Variants in MINDY4 observed in about 807,000 individuals in gnomAD.
MINDY4 encodes probable ubiquitin carboxyl-terminal hydrolase MINDY-4.
MINDY4 carries 68 observed loss-of-function variants against 87.0 expected under a neutral mutation model. That is an observed-to-expected ratio of 0.78 (90% CI 0.64 to 0.96). MINDY4 has a LOEUF of 0.96. Ranked by LOEUF, MINDY4 falls within the 40% of genes least tolerant of loss-of-function variation. The pLI is 0.00. For synonymous variants in MINDY4, 379 were observed against 363.2 expected (o/e 1.04, Z -0.50); for missense variants, 919 against 928.2 (o/e 0.99, Z 0.13).
At chr7:30,859,207 A>T (rs745812417) in intron 12 of MINDY4, 50 bp from the exon 13 acceptor site, 1 of 1,554,228 alleles carries the variant, frequency 6.4e-7, no homozygotes, top group East Asian at 2.2e-5. Context: ...TGGGGCTGGG[A>T]AGAGGGAGGT....
chr7:30,799,404 A>G (rs371077263), intron 5 of MINDY4, among the ~76,000 whole-genome samples: 2 of 152,102 alleles, frequency 1.3e-5, no homozygotes, highest in Non-Finnish European at 2.9e-5. Flanking sequence ...GGACACAGCA[A>G]CCTGGAATCA....
At chr7:30,866,511 G>C (rs962505521) in intron 13 of MINDY4, among the ~76,000 whole-genome samples, 2 of 152,204 alleles carry the variant, frequency 1.3e-5, no homozygotes, top group African/African-American at 4.8e-5. Flanking sequence ...CTGGAGACCA[G>C]TTCTAGCCCT....
At position 30,791,411 on chromosome 7, in the gene MINDY4, G is replaced by T. The variant is rs1019147693; in HGVS notation, c.910G>T (p.Ala304Ser). The change falls in exon 5 of 18, where the codon GCC becomes TCC. Residue 304 changes from alanine (A) to serine (S), a missense_variant. Physicochemically the swap from Ala to Ser is moderately conservative, Grantham distance 99. Transcript: ENST00000265299. ...PSKRLPPWDR[A>S]RPRDPSEDTP... ...CAAACGGCTGCCCCCATGGGACAGG[G>T]CCAGGCCGAGGGATCCCTCCGAGGA... is the stretch of plus-strand genomic sequence containing the variant. The T allele has an allele frequency of 3.1e-6, 5 of 1,613,998 alleles. No homozygotes were observed. The highest frequency in any genetic ancestry group is 4.2e-6 in the Non-Finnish European group (5 of 1,180,030).
intron 17 of MINDY4, among the ~76,000 whole-genome samples, chr7:30,884,869 T>C (rs968020658): frequency 6.6e-6 from 1 of 152,194 alleles, no homozygotes; most frequent in African/African-American, 2.4e-5. Context: ...AGAGTCTTAG[T>C]GTGTGGACAC....
chr7:30,786,032 C>T (rs754949629), intron 4 of MINDY4, 40 bp downstream of exon 4: 67 of 1,609,050 alleles, frequency 4.2e-5, no homozygotes, highest in Non-Finnish European at 5.3e-5. Flanking sequence ...GGACTGGAGG[C>T]TGAGAACTGG....
intron 5 of MINDY4, among the ~76,000 whole-genome samples, chr7:30,794,789 A>G (rs1471783759): frequency 6.6e-6 from 1 of 151,942 alleles, no homozygotes. Context: ...GGTTCCTCTC[A>G]CCATCACTCA....
Position 30,791,395 on chromosome 7 carries a change from G to T in MINDY4, c.894G>T (p.Leu298=). ...CTCCCCATCTGCCCAGCAAACGGCTGCCCCCATGGGACAGGGCCAGGCCGA... is the reference window on the plus strand; with the variant it reads ...CTCCCCATCTGCCCAGCAAACGGCTTCCCCCATGGGACAGGGCCAGGCCGA... The part of the protein sequence containing the change: ...SSPPHLPSKR[L]PPWDRARPRD... Residue 298 remains leucine, a synonymous_variant, in exon 5 of 18, where the codon CTG becomes CTT. Coordinates refer to ENST00000265299, the MANE Select transcript of MINDY4 (RefSeq NM_032222.3). The T allele has an allele frequency of 6.8e-6, 11 of 1,614,114 alleles. No homozygotes were observed. The highest frequency in any genetic ancestry group is 9.3e-6 in the Non-Finnish European group (11 of 1,180,004).
chr7:30,875,760 C>A, intron 15 of MINDY4, 104 bp downstream of exon 15: 1 of 1,321,428 alleles, frequency 7.6e-7, no homozygotes, highest in South Asian at 1.4e-5. Context: ...TCAGAGCTGG[C>A]TGAAATTCGG....
intron 13 of MINDY4, among the ~76,000 whole-genome samples, chr7:30,866,895 G>A (rs558465862): frequency 1.9e-4 from 29 of 152,162 alleles, no homozygotes; most frequent in East Asian, 1.2e-3. Context: ...CTCTTTTTCC[G>A]TCCTGCGGAG....
intron 17 of MINDY4, among the ~76,000 whole-genome samples, chr7:30,889,879 T>A (rs1790745768): frequency 6.6e-6 from 1 of 152,198 alleles, no homozygotes; most frequent in Non-Finnish European, 1.5e-5. Flanking sequence ...CTTTCAGTAT[T>A]TATTCTTGAA....
At chr7:30,809,840 T>C (rs2128557802) in intron 5 of MINDY4, among the ~76,000 whole-genome samples, 1 of 151,930 alleles carries the variant, frequency 6.6e-6, no homozygotes, top group South Asian at 2.1e-4. Flanking sequence ...GAGTGTTATA[T>C]AGCAAATTCT....
At chr7:30,882,467 G>A in intron 16 of MINDY4, 106 bp downstream of exon 16, 3 of 1,020,864 alleles carry the variant, frequency 2.9e-6, no homozygotes, top group Admixed American at 6.0e-5. Context: ...ATGACAGAGA[G>A]CAGTGCAGAC....
At chr7:30,780,157 C>T (rs1035169618) in intron 2 of MINDY4, 17 of 152,216 alleles carry the variant, frequency 1.1e-4, no homozygotes, top group African/African-American at 3.6e-4. Flanking sequence ...GCACCTCTGT[C>T]TCCTGTCCTG....
At chr7:30,784,535 G>C (rs988951382) in intron 3 of MINDY4, among the ~76,000 whole-genome samples, 1 of 152,176 alleles carries the variant, frequency 6.6e-6, no homozygotes, top group African/African-American at 2.4e-5. Context: ...AAAGAGTCTG[G>C]CCATGCCGCT....
Position 30,782,157 on chromosome 7 carries a change from C to T in MINDY4, c.364C>T (p.Leu122Phe). The change falls in exon 3 of 18, where the codon CTT becomes TTT. Residue 122 changes from leucine to phenylalanine, a missense_variant. Transcript: ENST00000265299. ...SETTLVNIYDLSDEDAGWRTS... is the reference protein window; with the variant it reads ...SETTLVNIYDFSDEDAGWRTS... ...GACTACACTGGTAAATATATATGACCTTTCAGATGAAGATGCAGGATGGAG... is the reference window on the plus strand; with the variant it reads ...GACTACACTGGTAAATATATATGACTTTTCAGATGAAGATGCAGGATGGAG... 1 of 1,613,958 alleles carries T rather than the reference C, an allele frequency of 6.2e-7. No individual in the cohort carries two copies. Among genetic ancestry groups the T allele is most frequent in the Non-Finnish European group, 8.5e-7 (1 of 1,179,990 alleles).
At chr7:30,878,042 C>T (rs754483810) in intron 15 of MINDY4, among the ~76,000 whole-genome samples, 3 of 151,842 alleles carry the variant, frequency 2.0e-5, no homozygotes, top group Non-Finnish European at 4.4e-5. Context: ...GGGCCCTACA[C>T]AGTTAGCCAC....
intron 15 of MINDY4, among the ~76,000 whole-genome samples, chr7:30,878,397 A>C (rs1562564547): frequency 6.6e-6 from 1 of 152,130 alleles, no homozygotes; most frequent in Non-Finnish European, 1.5e-5. Flanking sequence ...TCTGAGCTGG[A>C]GAAACTCACC....
At chr7:30,802,835 T>C (rs1208462753) in intron 5 of MINDY4, among the ~76,000 whole-genome samples, 3 of 151,410 alleles carry the variant, frequency 2.0e-5, no homozygotes, top group African/African-American at 4.9e-5. Context: ...CAACCAACCA[T>C]CCCAACCGAC....
chr7:30,869,936 A>C (rs968090999), intron 13 of MINDY4, among the ~76,000 whole-genome samples: 4 of 152,192 alleles, frequency 2.6e-5, no homozygotes, highest in African/African-American at 9.7e-5. Context: ...CCTCACACTC[A>C]GCTCTCCAGA....
Sources: gnomAD v4.1 joint callset for allele counts (sites outside exome capture counted in the v4.1 genomes callset) on GRCh38, gnomAD v4.1.1 for gene constraint, MANE v1.5 for transcripts, NCBI Gene and HGNC (gene_info 2026-07-23, HGNC 2026-07-21) for gene names.